ZNRF3: variants seen among roughly 807,000 people sequenced by gnomAD.
ZNRF3 encodes the protein zinc and ring finger 3, also known as E3 ubiquitin-protein ligase ZNRF3.
In ZNRF3, 23 loss-of-function variants were observed where a neutral mutation model predicts 72.5. That is an observed-to-expected ratio of 0.32 (90% CI 0.23 to 0.45). The LOEUF (loss-of-function observed/expected upper bound fraction) is 0.45. Ranked by LOEUF, ZNRF3 falls within the 20% of genes least tolerant of loss-of-function variation. ZNRF3 has a pLI of 1.00. For missense variants in ZNRF3, 1,169 were observed against 1,272.1 expected (o/e 0.92, Z 1.23); for synonymous variants, 610 against 545.3 (o/e 1.12, Z -1.65).
intron 1 of ZNRF3, chr22:28,917,465 C>T: frequency 1.0e-6 from 1 of 984,816 alleles, no homozygotes; most frequent in African/African-American, 1.7e-5. Context: ...TAGGAAGGAT[C>T]CCCTCATTTC....
rs4823007 is a variant in ZNRF3, at chr22:29,056,290, A to C, written c.*2668A>C. Reference sequence around the variant, plus strand: ...CTAATTTTGTATTTTTGGTAGAGACAGGGTATCTCCATGTTGGTCAGGCTG... The same window carrying C: ...CTAATTTTGTATTTTTGGTAGAGACCGGGTATCTCCATGTTGGTCAGGCTG... On this transcript the variant is annotated 3_prime_UTR_variant, in exon 9 of 9. Coordinates refer to ENST00000544604, the MANE Select transcript of ZNRF3 (RefSeq NM_001206998.2). 6.6e-6 allele frequency: 1 copy of C among 151,916 alleles called. No individual in the cohort carries two copies. Among genetic ancestry groups the C allele is most frequent in the Admixed American group, 6.6e-5 (1 of 15,252 alleles). The allele number at this position is 151,916 out of a possible 1,614,324, so 9.4% of individuals were successfully genotyped here. A position where few individuals can be genotyped will look rare whatever the true frequency, so the allele number is the denominator to read the frequency against.
chr22:29,022,853 C>T (rs1425466988), intron 2 of ZNRF3, among the ~76,000 whole-genome samples: 1 of 152,112 alleles, frequency 6.6e-6, no homozygotes, highest in African/African-American at 2.4e-5. Context: ...AGTCAACTTC[C>T]CTGTAACAAA....
At chr22:28,929,205 G>A (rs1394342209) in intron 1 of ZNRF3, among the ~76,000 whole-genome samples, 1 of 151,882 alleles carries the variant, frequency 6.6e-6, no homozygotes, top group Non-Finnish European at 1.5e-5. Flanking sequence ...CAAGAGGGAA[G>A]AAATCAACTA....
At chr22:28,941,109 A>G (rs2034938114) in intron 1 of ZNRF3, among the ~76,000 whole-genome samples, 1 of 152,122 alleles carries the variant, frequency 6.6e-6, no homozygotes, top group African/African-American at 2.4e-5. Flanking sequence ...TTAAAATGAG[A>G]AGAGTAGGGT....
At chr22:28,997,747 C>T (rs548991852) in intron 2 of ZNRF3, among the ~76,000 whole-genome samples, 8 of 152,040 alleles carry the variant, frequency 5.3e-5, no homozygotes, top group Non-Finnish European at 8.8e-5. Context: ...TACAGTGGCT[C>T]ACACCTATAA....
At chr22:29,051,084 G>C in intron 8 of ZNRF3, 136 bp downstream of exon 8, 1 of 1,015,428 alleles carries the variant, frequency 9.8e-7, no homozygotes, top group Non-Finnish European at 1.4e-6. Flanking sequence ...AGACTTCCAA[G>C]GGTTACTCCT....
intron 1 of ZNRF3, chr22:28,986,671 A>G: frequency 1.0e-6 from 1 of 985,036 alleles, no homozygotes; most frequent in Non-Finnish European, 1.2e-6. Context: ...GTTGAAGTCT[A>G]GAAGCCAAAC....
At chr22:29,044,710 A>G in intron 4 of ZNRF3, 70 bp from the exon 5 acceptor site, 2 of 1,077,166 alleles carry the variant, frequency 1.9e-6, no homozygotes, top group South Asian at 1.3e-5. Flanking sequence ...TGACAAAGCC[A>G]AGATAGCCCA....
Position 29,048,548 on chromosome 22 carries a change from A to T in ZNRF3, c.1015+57A>T. On this transcript the variant is annotated intron_variant, in intron 7 of 8. Coordinates refer to ENST00000544604, the MANE Select transcript of ZNRF3 (RefSeq NM_001206998.2). The surrounding 1 kb of genome is among the most constrained non-coding windows in gnomAD (Gnocchi z 4.9). Reference sequence around the variant, plus strand: ...GAGTCAAGTGCCTAGCTAGAGTGTGACACACACCGCAGGCTTGGGAACACT... The same window carrying T: ...GAGTCAAGTGCCTAGCTAGAGTGTGTCACACACCGCAGGCTTGGGAACACT... 1 of 1,546,310 alleles carries T rather than the reference A, an allele frequency of 6.5e-7. No homozygotes were observed. Among genetic ancestry groups the T allele is most frequent in the Non-Finnish European group, 8.9e-7 (1 of 1,119,380 alleles).
chr22:28,968,368 C>T (rs979712568), intron 1 of ZNRF3, among the ~76,000 whole-genome samples: 7 of 152,048 alleles, frequency 4.6e-5, no homozygotes, highest in Non-Finnish European at 8.8e-5. Flanking sequence ...TTTCTTATAG[C>T]TATAATTCCT....
chr22:29,044,953 A>T, intron 5 of ZNRF3, 63 bp downstream of exon 5: 2 of 1,174,874 alleles, frequency 1.7e-6, no homozygotes, highest in South Asian at 2.4e-5. Flanking sequence ...GGGGAAAACC[A>T]GGACTCTCGT....
chr22:29,030,067 A>T lies in ZNRF3; in HGVS notation c.427-12428A>T, dbSNP rs2036716071. ...CTTATCTTCCAGGCATAGGCAGGTA[A>T]TGAAACAACCCAACTGCGGTTTTTT... On this transcript the variant is annotated intron_variant, in intron 2 of 8. Transcript: ENST00000544604. This position sits in a 1 kb window ranked among gnomAD's most constrained non-coding sequence, Gnocchi z 4.2. Among the ~76,000 whole-genome samples, 1 of 152,190 alleles carries T rather than the reference A, an allele frequency of 6.6e-6. No homozygotes were observed.
At chr22:28,885,907 C>T (rs1424290508) in intron 1 of ZNRF3, among the ~76,000 whole-genome samples, 1 of 148,840 alleles carries the variant, frequency 6.7e-6, no homozygotes, top group Non-Finnish European at 1.5e-5. Context: ...TTATCTAACT[C>T]TTTTGTAGTC....
chr22:28,910,209 G>A (rs1334615553), intron 1 of ZNRF3, among the ~76,000 whole-genome samples: 1 of 151,836 alleles, frequency 6.6e-6, no homozygotes, highest in African/African-American at 2.4e-5. Flanking sequence ...CTAATTTTTT[G>A]TGTGTGTTTT....
chr22:28,902,808 G>T (rs1169153755), intron 1 of ZNRF3, among the ~76,000 whole-genome samples: 1 of 152,196 alleles, frequency 6.6e-6, no homozygotes, highest in Non-Finnish European at 1.5e-5. Context: ...TTTATATTTA[G>T]TGGGGATGAG....
intron 1 of ZNRF3, among the ~76,000 whole-genome samples, chr22:28,889,593 A>G (rs957929690): frequency 6.6e-6 from 1 of 152,334 alleles, no homozygotes; most frequent in South Asian, 2.1e-4. Context: ...AGACACATGC[A>G]TGGATAAATG....
intron 1 of ZNRF3, among the ~76,000 whole-genome samples, chr22:28,894,949 C>A (rs889913491): frequency 6.6e-6 from 1 of 152,118 alleles, no homozygotes; most frequent in African/African-American, 2.4e-5. Flanking sequence ...TGGCAGCTGC[C>A]CCCCTTCAGC....
At chr22:29,006,358 C>T (rs540352158) in intron 2 of ZNRF3, among the ~76,000 whole-genome samples, 21 of 152,002 alleles carry the variant, frequency 1.4e-4, no homozygotes, top group Admixed American at 6.5e-4. Context: ...GACTTACAGG[C>T]GTGTACCGCC....
rs569566370 is a variant in ZNRF3, at chr22:29,056,693, G to A, written c.*3071G>A. On this transcript the variant is annotated 3_prime_UTR_variant, in exon 9 of 9. Coordinates refer to ENST00000544604, the MANE Select transcript of ZNRF3 (RefSeq NM_001206998.2). ...GGCAGGGTCAAGTGACCCAGCCCTG[G>A]CTGTAGGACAGCCATATACAGTGAA... is the stretch of plus-strand genomic sequence containing the variant. 3.6e-4 allele frequency: 55 copies of A among 152,310 alleles called. No homozygotes were observed. Among genetic ancestry groups the A allele is most frequent in the African/African-American group, 1.2e-3 (50 of 41,566 alleles). 9.4% of individuals were successfully genotyped at this position (152,310 alleles called of 1,614,324 possible). A position where few individuals can be genotyped will look rare whatever the true frequency, so the allele number is the denominator to read the frequency against.
Sources: gnomAD v4.1 joint callset for allele counts (sites outside exome capture counted in the v4.1 genomes callset) on GRCh38, gnomAD v4.1.1 for gene constraint, Gnocchi (gnomAD v3.1) non-coding constraint, MANE v1.5 for transcripts, NCBI Gene and HGNC (gene_info 2026-07-23, HGNC 2026-07-21) for gene names.